Variants in EPB41 observed in about 807,000 individuals in gnomAD.
EPB41 encodes erythrocyte membrane protein band 4.1, also known as protein 4.1.
A neutral mutation model predicts 108.0 loss-of-function variants in EPB41; 65 were observed. The observed-to-expected ratio is 0.60, with a 90% CI of 0.49 to 0.74. The LOEUF is 0.74. Among genes scored for constraint, EPB41 ranks in the 30% least tolerant of loss-of-function variants. EPB41 has a pLI of 0.00. For synonymous variants in EPB41, 336 were observed against 358.9 expected (o/e 0.94, Z 0.72); for missense variants, 875 against 1,037.0 (o/e 0.84, Z 2.15).
chr1:28,901,221 A>T (rs368243979), intron 1 of EPB41, among the ~76,000 whole-genome samples: 1 of 119,380 alleles, frequency 8.4e-6, no homozygotes, highest in Non-Finnish European at 1.9e-5. Context: ...GAGCCACTGC[A>T]CCCGGCTATT....
Position 29,060,447 on chromosome 1 carries a change from A to G in EPB41, c.1970A>G (p.Glu657Gly). The G allele has an allele frequency of 6.2e-7, 1 of 1,613,292 alleles. No homozygotes were observed. Among genetic ancestry groups the G allele is most frequent in the East Asian group, 2.2e-5 (1 of 44,866 alleles). Residue 657 changes from glutamate to glycine, a missense_variant, in exon 15 of 21, where the codon GAA becomes GGA. Transcript: ENST00000343067. ...RKKKRERLDG[E>G]NIYIRHSNLM... ...AAAAAGAGAGAAAGACTAGATGGTG[A>G]AAACATTTATATCAGACATAGCAAT... is the stretch of plus-strand genomic sequence containing the variant.
chr1:28,933,011 G>A (rs1290207368), intron 1 of EPB41, among the ~76,000 whole-genome samples: 1 of 152,070 alleles, frequency 6.6e-6, no homozygotes, highest in Non-Finnish European at 1.5e-5. Context: ...GCCCAATACT[G>A]TTAGTATTGT....
chr1:28,981,238 T>A (rs1041625942), intron 1 of EPB41, among the ~76,000 whole-genome samples: 2 of 152,192 alleles, frequency 1.3e-5, no homozygotes, highest in African/African-American at 4.8e-5. Context: ...TGCATATGAG[T>A]ACTTGTGAAA....
At chr1:29,027,675 A>G (rs1254210307) in intron 7 of EPB41, among the ~76,000 whole-genome samples, 1 of 151,976 alleles carries the variant, frequency 6.6e-6, no homozygotes, top group Non-Finnish European at 1.5e-5. Flanking sequence ...GACTCAAGCA[A>G]TCCTCCTGTC....
chr1:28,966,284 TG>T (rs1429226742), intron 1 of EPB41, among the ~76,000 whole-genome samples: 2 of 152,242 alleles, frequency 1.3e-5, no homozygotes, highest in Non-Finnish European at 2.9e-5. Flanking sequence ...GTAAGCATTT[TG>T]TATTCCTTCT....
chr1:29,092,093 C>CTTTTT (rs35413713), intron 16 of EPB41, among the ~76,000 whole-genome samples: 55 of 113,138 alleles, frequency 4.9e-4, no homozygotes, highest in Non-Finnish European at 7.6e-4. Flanking sequence ...TTCTTACCTT[C>CTTTTT]TTTTTTTTTT....
Position 28,915,634 on chromosome 1 carries a change from C to T in EPB41, c.-8+866C>T, listed in dbSNP as rs945550221. On this transcript the variant is annotated intron_variant, in intron 1 of 20. Transcript: ENST00000343067. ...GTTGTTTCTTTAACTGTACCCTGTA[C>T]CCTGCCATAAATGACTAGTCTGTGG... Among the ~76,000 whole-genome samples, 19 of 151,974 alleles carry T rather than the reference C, an allele frequency of 1.3e-4. 1 individual carries two copies. Among genetic ancestry groups the T allele is most frequent in the Admixed American group, 1.0e-3 (16 of 15,248 alleles).
At chr1:29,110,415 C>A (rs1668768441) in intron 18 of EPB41, among the ~76,000 whole-genome samples, 1 of 152,154 alleles carries the variant, frequency 6.6e-6, no homozygotes, top group Non-Finnish European at 1.5e-5. Context: ...TTTTATACAA[C>A]CATATTTTCC....
intron 1 of EPB41, among the ~76,000 whole-genome samples, chr1:28,969,555 G>A (rs1253338811): frequency 4.0e-5 from 6 of 149,190 alleles, no homozygotes; most frequent in Non-Finnish European, 7.5e-5. Context: ...CACGAGGTCA[G>A]GAGATCGTGA....
At chr1:28,961,622 T>C (rs2095217443) in intron 1 of EPB41, among the ~76,000 whole-genome samples, 1 of 152,254 alleles carries the variant, frequency 6.6e-6, no homozygotes, top group Non-Finnish European at 1.5e-5. Flanking sequence ...GAGGTAACAC[T>C]GATGACCAAG....
intron 1 of EPB41, among the ~76,000 whole-genome samples, chr1:28,949,729 G>A (rs2094632031): frequency 6.6e-6 from 1 of 151,588 alleles, no homozygotes; most frequent in African/African-American, 2.4e-5. Context: ...TCAGCCTCCC[G>A]AGTAGCTGGG....
chr1:29,071,603 T>C (rs1651477965), intron 16 of EPB41: 1 of 152,230 alleles, frequency 6.6e-6, no homozygotes, highest in African/African-American at 2.4e-5. Flanking sequence ...TTTTAATCAA[T>C]GGCTTTGTGA....
At chr1:28,893,629 T>C (rs2090359269) in intron 1 of EPB41, 1 of 152,256 alleles carries the variant, frequency 6.6e-6, no homozygotes, top group African/African-American at 2.4e-5. Context: ...TATTGCTGAC[T>C]AGGGCGTCTG....
chr1:29,088,072 G>T (rs1321652407), intron 16 of EPB41, among the ~76,000 whole-genome samples: 1 of 136,482 alleles, frequency 7.3e-6, no homozygotes, highest in Non-Finnish European at 1.5e-5. Flanking sequence ...TTGAGATGGA[G>T]CCTCCCTCCT....
chr1:28,902,308 G>A (rs2091393626), intron 1 of EPB41: 1 of 985,300 alleles, frequency 1.0e-6, no homozygotes, highest in African/African-American at 1.7e-5. Flanking sequence ...CAAATCTTTT[G>A]TTCTGGAGCC....
chr1:29,108,697 A>G (rs1318205113), intron 17 of EPB41, among the ~76,000 whole-genome samples: 1 of 151,058 alleles, frequency 6.6e-6, no homozygotes, highest in East Asian at 2.0e-4. Flanking sequence ...AGCTGGGATT[A>G]TAGGCAAGCA....
At chr1:28,964,923 A>G (rs781664826) in intron 1 of EPB41, among the ~76,000 whole-genome samples, 41 of 152,112 alleles carry the variant, frequency 2.7e-4, no homozygotes, top group Non-Finnish European at 4.3e-4. Flanking sequence ...CTTAGCTCAG[A>G]TTGTATATCA....
chr1:29,038,810 T>C (rs1572889334), intron 10 of EPB41, among the ~76,000 whole-genome samples: 1 of 152,190 alleles, frequency 6.6e-6, no homozygotes, highest in South Asian at 2.1e-4. Flanking sequence ...CAGGCATTAA[T>C]TGAGTTTGGA....
intron 11 of EPB41, among the ~76,000 whole-genome samples, chr1:29,045,386 C>T (rs1475244491): frequency 6.6e-6 from 1 of 152,064 alleles, no homozygotes; most frequent in Non-Finnish European, 1.5e-5. Flanking sequence ...TAGGGTCTCA[C>T]TCTGTCATCC....
Sources: allele counts gnomAD v4.1 joint callset (sites outside exome capture counted in the v4.1 genomes callset), GRCh38; gene constraint gnomAD v4.1.1; transcripts MANE v1.5; gene names NCBI Gene and HGNC (gene_info 2026-07-23, HGNC 2026-07-21).